The following MEGF6 variants were observed in gnomAD, a reference collection of about 807,000 sequenced individuals.
MEGF6 encodes the protein multiple epidermal growth factor-like domains protein 6.
In MEGF6, 184 loss-of-function variants were observed where a neutral mutation model predicts 207.1. The ratio of observed to expected loss-of-function variants is 0.89; its 90% CI spans 0.79 to 1.00. The LOEUF (loss-of-function observed/expected upper bound fraction) is 1.00. Ranked by LOEUF, MEGF6 falls within the 50% of genes least tolerant of loss-of-function variation. MEGF6 has a pLI of 0.00. For missense variants in MEGF6, 2,282 were observed against 2,202.9 expected (o/e 1.04, Z -0.72); for synonymous variants, 1,038 against 910.0 (o/e 1.14, Z -2.53).
intron 36 of MEGF6, 136 bp from the exon 37 acceptor site, chr1:3,490,725 A>ATCCTTCCCAGCCTG: frequency 5.4e-6 from 5 of 927,350 alleles, no homozygotes; most frequent in Non-Finnish European, 3.1e-6. Context: ...GGGCCCACCC[A>ATCCTTCCCAGCCTG]TCCTTCCCAG....
chr1:3,515,638 A>AC (rs1641515948), intron 5 of MEGF6, 111 bp from the exon 6 acceptor site: 2 of 1,313,102 alleles, frequency 1.5e-6, no homozygotes, highest in Admixed American at 4.3e-5. Flanking sequence ...CTGCTGTAGG[A>AC]CCCCTCCCAG....
chr1:3,502,215 G>A (rs548770477), intron 17 of MEGF6, among the ~76,000 whole-genome samples: 65 of 152,120 alleles, frequency 4.3e-4, no homozygotes, highest in African/African-American at 1.3e-3. Flanking sequence ...GGGAGCTGAC[G>A]GATGGGAGGA....
chr1:3,491,115 C>T (rs961250333), intron 35 of MEGF6, among the ~76,000 whole-genome samples, 156 bp from the exon 36 acceptor site: 26 of 124,190 alleles, frequency 2.1e-4, no homozygotes, highest in African/African-American at 9.1e-4. Flanking sequence ...GGGGAAGGAA[C>T]GGGGGCGGGA....
chr1:3,593,030 G>T (rs1220922348), intron 3 of MEGF6, among the ~76,000 whole-genome samples: 1 of 152,102 alleles, frequency 6.6e-6, no homozygotes, highest in Non-Finnish European at 1.5e-5. Context: ...GCAGGGCCAG[G>T]CCAGGGCAGA....
chr1:3,563,641 C>T (rs1245387466), intron 4 of MEGF6, among the ~76,000 whole-genome samples: 1 of 152,208 alleles, frequency 6.6e-6, no homozygotes, highest in African/African-American at 2.4e-5. Flanking sequence ...CTGGGTTTGG[C>T]GTCGGTTCTA....
At chr1:3,526,338 G>GACATGGGC (rs1048471252) in intron 4 of MEGF6, among the ~76,000 whole-genome samples, 5 of 151,912 alleles carry the variant, frequency 3.3e-5, no homozygotes, top group African/African-American at 1.2e-4. Context: ...GGCCAGGGCA[G>GACATGGGC]ACATGGGCAT....
chr1:3,527,919 C>T (rs752439230), intron 4 of MEGF6, among the ~76,000 whole-genome samples: 26 of 152,260 alleles, frequency 1.7e-4, no homozygotes, highest in Non-Finnish European at 3.1e-4. Context: ...AGAAATTCCA[C>T]GCTCCCTCTG....
chr1:3,612,104 G>A, upstream of MEGF6, among the ~76,000 whole-genome samples: 1 of 152,202 alleles, frequency 6.6e-6, no homozygotes, highest in East Asian at 1.9e-4. Context: ...GGCGTGGCCA[G>A]CCTCTGCAGC....
the MEGF6 span, among the ~76,000 whole-genome samples, chr1:3,621,632 T>C: frequency 1.3e-5 from 2 of 152,218 alleles, no homozygotes; most frequent in Admixed American, 1.3e-4. Context: ...CCGGGGTGGC[T>C]TGCTGCCCAC....
rs1392796180 is a variant in MEGF6 at position 3,495,917 on chromosome 1, CCGG to C, written c.3841_3843del (p.Pro1281del). On this transcript the variant is annotated inframe_deletion, in exon 30 of 37. Coordinates refer to ENST00000356575, the MANE Select transcript of MEGF6 (RefSeq NM_001409.4). ...CGCTCACAGCGGACGCCGGCTCTCCCCGGGGGGCAGAGGCAGGTGCCGGTCACA... is the reference window on the plus strand; with the variant it reads ...CGCTCACAGCGGACGCCGGCTCTCCCGGGGCAGAGGCAGGTGCCGGTCACA... 6.3e-7 allele frequency: 1 copy of C among 1,597,672 alleles called. No individual in the cohort carries two copies. The highest frequency in any genetic ancestry group is 8.5e-7 in the Non-Finnish European group (1 of 1,179,012).
rs771833873 is a variant in MEGF6, at chr1:3,512,144, C to T, written c.854-16G>A. On this transcript the variant is annotated splice_polypyrimidine_tract_variant and intron_variant, in intron 7 of 36. Coordinates refer to ENST00000356575, the MANE Select transcript of MEGF6 (RefSeq NM_001409.4). ...TCGTCCACATCTGGAGGGGAGAGAC[C>T]ACAGGGAGGGCTCAGAGGTGCCAGG... The T allele has an allele frequency of 1.3e-6, 2 of 1,590,876 alleles. No homozygotes were observed. Among genetic ancestry groups the T allele is most frequent in the African/African-American group, 2.7e-5 (2 of 74,718 alleles).
intron 17 of MEGF6, among the ~76,000 whole-genome samples, chr1:3,502,986 G>A (rs1238884346): frequency 6.6e-6 from 1 of 152,194 alleles, no homozygotes; most frequent in African/African-American, 2.4e-5. Flanking sequence ...GCAGCCCCAA[G>A]AAGGCAGTTG....
In MEGF6 at chr1:3,499,710, G is replaced by A. The variant is rs752808074; in HGVS notation, c.2843C>T (p.Pro948Leu). The stretch of plus-strand genomic sequence containing the variant: ...ACAGTCCAATCCAAAGAAGCCGGCC[G>A]GGCAGGCTGCAGACAGCGGGCAGTG... Reference protein sequence around the residue: ...WRGTFCEHACPAGFFGLDCRS... With the variant: ...WRGTFCEHACLAGFFGLDCRS... Residue 948 changes from proline (P) to leucine (L), a missense_variant, in exon 23 of 37, where the codon CCG (proline) becomes CTG (leucine). Physicochemically the swap from Pro to Leu is moderately conservative, Grantham distance 98. Transcript: ENST00000356575. 3.1e-5 allele frequency: 50 copies of A among 1,604,200 alleles called. No homozygotes were observed. The highest frequency in any genetic ancestry group is 6.7e-5 in the East Asian group (3 of 44,512).
At chr1:3,524,466 G>A (rs567092412) in intron 4 of MEGF6, among the ~76,000 whole-genome samples, 17 of 152,208 alleles carry the variant, frequency 1.1e-4, no homozygotes, top group South Asian at 2.1e-4. Flanking sequence ...CCACCGCCTC[G>A]AGGGCCGGCC....
At chr1:3,498,612 C>A in intron 25 of MEGF6, 86 bp downstream of exon 25, 3 of 1,486,032 alleles carry the variant, frequency 2.0e-6, no homozygotes, top group South Asian at 1.3e-5. Context: ...GGCGCTGCCC[C>A]CTGACCTGGG....
Position 3,498,515 on chromosome 1 carries a change from C to G in MEGF6, c.3224-16G>C. The G allele has an allele frequency of 6.4e-7, 1 of 1,558,384 alleles. No individual in the cohort carries two copies. The highest frequency in any genetic ancestry group is 2.4e-5 in the East Asian group (1 of 42,436). On this transcript the variant is annotated splice_polypyrimidine_tract_variant and intron_variant, in intron 25 of 36. Transcript: ENST00000356575. ...GGGAGGCACTCTACAGGAGCAGAGG[C>G]AGGCACGAGGGTGAGGGTCCTGCCT...
intron 1 of MEGF6, among the ~76,000 whole-genome samples, chr1:3,604,425 C>G (rs532939082): frequency 1.1e-3 from 174 of 152,300 alleles, no homozygotes; most frequent in African/African-American, 4.0e-3. Flanking sequence ...CAGCTGCAGC[C>G]GAGAAGCCTC....
chr1:3,510,969 C>T (rs1172330168), intron 9 of MEGF6, 67 bp from the exon 10 acceptor site: 4 of 1,549,940 alleles, frequency 2.6e-6, no homozygotes, highest in Non-Finnish European at 3.5e-6. Context: ...CCCACCCACA[C>T]ACAACTGCAT....
chr1:3,543,586 G>A lies in MEGF6; in HGVS notation c.482-19340C>T, dbSNP rs558763715. On this transcript the variant is annotated intron_variant, in intron 4 of 36. Coordinates refer to ENST00000356575, the MANE Select transcript of MEGF6 (RefSeq NM_001409.4). ...AGAACCCCCGGGCGGGAGGCGGGGC[G>A]AGGCCAGGGACGGGGCAGGAGAGGA... 9.2e-5 allele frequency among the ~76,000 whole-genome samples: 14 copies of A among 152,318 alleles called. No homozygotes were observed. The East Asian group carries it at 1.2e-3, about 13-fold the overall frequency.
Sources: gnomAD v4.1 joint callset for allele counts (sites outside exome capture counted in the v4.1 genomes callset) on GRCh38, gnomAD v4.1.1 for gene constraint, MANE v1.5 for transcripts, NCBI Gene and HGNC (gene_info 2026-07-23, HGNC 2026-07-21) for gene names.